Variants in SLC24A3 observed in about 807,000 individuals in gnomAD.
The protein encoded by SLC24A3 is solute carrier family 24 member 3.
In SLC24A3, 28 loss-of-function variants were observed where a neutral mutation model predicts 75.8. That is an observed-to-expected ratio of 0.37 (90% CI 0.27 to 0.51). The LOEUF (loss-of-function observed/expected upper bound fraction) is 0.51, where lower values mean the gene tolerates loss of function less well. Ranked by LOEUF, SLC24A3 falls within the 20% of genes least tolerant of loss-of-function variation. SLC24A3 has a pLI of 0.94. For synonymous variants in SLC24A3, 372 were observed against 334.1 expected (o/e 1.11, Z -1.24); for missense variants, 663 against 847.8 (o/e 0.78, Z 2.71).
chr20:19,465,206 G>C (rs1227439913), intron 2 of SLC24A3, among the ~76,000 whole-genome samples: 1 of 152,130 alleles, frequency 6.6e-6, no homozygotes, highest in Admixed American at 6.6e-5. Flanking sequence ...GCTCTCCTCG[G>C]CTCATTTACA....
intron 2 of SLC24A3, among the ~76,000 whole-genome samples, chr20:19,367,532 CTG>C (rs1985914411): frequency 6.6e-6 from 1 of 151,174 alleles, no homozygotes; most frequent in African/African-American, 2.4e-5. Flanking sequence ...TCCCAGAAAA[CTG>C]TGAGTGTTCA....
chr20:19,698,173 G>A (rs1015624165), intron 14 of SLC24A3, among the ~76,000 whole-genome samples: 4 of 152,064 alleles, frequency 2.6e-5, no homozygotes, highest in African/African-American at 7.2e-5. Context: ...TCACAAAGCC[G>A]GTACCAATGG....
intron 2 of SLC24A3, among the ~76,000 whole-genome samples, chr20:19,423,591 T>C (rs917910200): frequency 3.3e-5 from 5 of 152,154 alleles, no homozygotes; most frequent in Admixed American, 1.3e-4. Flanking sequence ...ACCGAACTTA[T>C]TGGTTTTCCA....
At chr20:19,317,785 C>T (rs927549611) in intron 2 of SLC24A3, among the ~76,000 whole-genome samples, 1 of 152,180 alleles carries the variant, frequency 6.6e-6, no homozygotes, top group African/African-American at 2.4e-5. Context: ...TTACAGGACA[C>T]CTCTCTCCTG....
chr20:19,665,715 G>T, intron 7 of SLC24A3, 149 bp from the exon 8 acceptor site: 1 of 1,038,760 alleles, frequency 9.6e-7, no homozygotes, highest in Non-Finnish European at 1.3e-6. Flanking sequence ...TACCCACAGG[G>T]ACTCCAGGTC....
At chr20:19,476,271 A>G (rs1987960876) in intron 2 of SLC24A3, among the ~76,000 whole-genome samples, 1 of 152,232 alleles carries the variant, frequency 6.6e-6, no homozygotes, top group Non-Finnish European at 1.5e-5. Flanking sequence ...AGCTTGCCTC[A>G]GGTGTAAATC....
chr20:19,568,468 G>T (rs920201713), intron 3 of SLC24A3, among the ~76,000 whole-genome samples: 31 of 152,176 alleles, frequency 2.0e-4, no homozygotes, highest in African/African-American at 6.0e-4. Flanking sequence ...CAACAGGGAT[G>T]AACCTTGAAT....
chr20:19,609,421 T>C (rs2031642229), intron 6 of SLC24A3, among the ~76,000 whole-genome samples: 1 of 152,190 alleles, frequency 6.6e-6, no homozygotes, highest in Admixed American at 6.5e-5. Context: ...TTAATTTTAC[T>C]TTAAGTTCCA....
chr20:19,352,691 G>T (rs1985598383), intron 2 of SLC24A3, among the ~76,000 whole-genome samples: 1 of 152,188 alleles, frequency 6.6e-6, no homozygotes, highest in South Asian at 2.1e-4. Flanking sequence ...AGGTTAAATT[G>T]CTGCCTGGAC....
intron 2 of SLC24A3, 84 bp downstream of exon 2, chr20:19,281,171 T>C: frequency 5.1e-6 from 8 of 1,563,846 alleles, no homozygotes; most frequent in Non-Finnish European, 6.9e-6. Context: ...TGTGTTTTCT[T>C]AGAATTTTAA....
At chr20:19,262,091 A>C (rs550476416) in intron 1 of SLC24A3, among the ~76,000 whole-genome samples, 2 of 152,244 alleles carry the variant, frequency 1.3e-5, no homozygotes, top group East Asian at 3.9e-4. Context: ...AGCAGTTGCA[A>C]GCATCGCCTC....
intron 2 of SLC24A3, among the ~76,000 whole-genome samples, chr20:19,490,531 A>G (rs936100548): frequency 3.2e-4 from 49 of 152,308 alleles, no homozygotes; most frequent in African/African-American, 1.2e-3. Context: ...GTGGTATTTG[A>G]ACTACTGAAA....
chr20:19,618,299 CA>C (rs1187591599), intron 6 of SLC24A3, among the ~76,000 whole-genome samples: 1 of 152,172 alleles, frequency 6.6e-6, no homozygotes, highest in African/African-American at 2.4e-5. Flanking sequence ...TTTATTTTCT[CA>C]CACTTCTGGA....
chr20:19,274,522 G>C (rs1276507687), intron 1 of SLC24A3, among the ~76,000 whole-genome samples: 1 of 152,068 alleles, frequency 6.6e-6, no homozygotes, highest in Non-Finnish European at 1.5e-5. Context: ...TCTCCTTCTG[G>C]GTTAGGAGAG....
chr20:19,403,878 A>G (rs911794696), intron 2 of SLC24A3, among the ~76,000 whole-genome samples: 1 of 152,236 alleles, frequency 6.6e-6, no homozygotes, highest in Non-Finnish European at 1.5e-5. Flanking sequence ...TTTCTCGACC[A>G]TTTATGATTA....
chr20:19,698,192 G>A (rs959198727), intron 14 of SLC24A3, among the ~76,000 whole-genome samples: 2 of 152,154 alleles, frequency 1.3e-5, no homozygotes, highest in African/African-American at 4.8e-5. Flanking sequence ...GGGGGATGGT[G>A]TTAAACCATT....
At chr20:19,562,260 G>A (rs891305647) in intron 3 of SLC24A3, among the ~76,000 whole-genome samples, 1 of 151,998 alleles carries the variant, frequency 6.6e-6, no homozygotes, top group Admixed American at 6.6e-5. Context: ...TTAACAATGA[G>A]AATATCTCAC....
At chr20:19,252,092 G>C (rs1193454050) in intron 1 of SLC24A3, among the ~76,000 whole-genome samples, 2 of 152,150 alleles carry the variant, frequency 1.3e-5, no homozygotes, top group Non-Finnish European at 2.9e-5. Context: ...TTATGGTGGT[G>C]GTTGATTCCA....
intron 12 of SLC24A3, among the ~76,000 whole-genome samples, chr20:19,690,357 T>C (rs2032731542): frequency 6.6e-6 from 1 of 152,236 alleles, no homozygotes. Context: ...AACTTACACT[T>C]CTTACAACTT....
Sources: gnomAD v4.1 joint callset for allele counts (sites outside exome capture counted in the v4.1 genomes callset) on GRCh38, gnomAD v4.1.1 for gene constraint, MANE v1.5 for transcripts, NCBI Gene and HGNC (gene_info 2026-07-23, HGNC 2026-07-21) for gene names.